Variants in PCDHGC4 observed in about 807,000 individuals in gnomAD.
The protein encoded by PCDHGC4 is protocadherin gamma-C4.
In PCDHGC4, 15 loss-of-function variants were observed where a neutral mutation model predicts 59.7. That is an observed-to-expected ratio of 0.25 (90% CI 0.17 to 0.39). The LOEUF (loss-of-function observed/expected upper bound fraction) is 0.39. Ranked by LOEUF, PCDHGC4 falls within the 10% of genes least tolerant of loss-of-function variation. The probability of loss-of-function intolerance (pLI) is 1.00; values close to 1 mark genes in which losing one functional copy is unlikely to be tolerated. For synonymous variants in PCDHGC4, 434 were observed against 481.4 expected, an observed-to-expected ratio of 0.90 and a Z score of 1.29; for missense variants, 1,016 against 1,189.5, an observed-to-expected ratio of 0.85 and a Z score of 2.15.
Position 141,511,913 on chromosome 5 carries a change from A to G in PCDHGC4, c.*740A>G, listed in dbSNP as rs1190072814. On this transcript the variant is annotated 3_prime_UTR_variant, in exon 4 of 4. Coordinates refer to ENST00000306593, the MANE Select transcript of PCDHGC4 (RefSeq NM_018928.3). ...CCCCCACCTCCTCCTCAAACAAGAG[A>G]CTCCACTGCATGTTCCAAGACAGTA... is the stretch of plus-strand genomic sequence containing the variant. The G allele has an allele frequency of 6.4e-6, 1 of 156,050 alleles. No individual in the cohort carries two copies. The highest frequency in any genetic ancestry group is 2.4e-5 in the African/African-American group (1 of 41,402). The allele number at this position is 156,050 out of a possible 1,614,324, so 9.7% of individuals were successfully genotyped here.
At chr5:141,488,546 G>A (rs2099676755) in intron 1 of PCDHGC4, among the ~76,000 whole-genome samples, 1 of 152,188 alleles carries the variant, frequency 6.6e-6, no homozygotes, top group African/African-American at 2.4e-5. Context: ...TCCCATGTCA[G>A]CTGACATTGA....
At chr5:141,499,908 G>A (rs903753761) in intron 2 of PCDHGC4, among the ~76,000 whole-genome samples, 2 of 151,980 alleles carry the variant, frequency 1.3e-5, no homozygotes, top group African/African-American at 2.4e-5. Flanking sequence ...GGCTGGTCTT[G>A]AACTCCTGGC....
rs754462129 is a variant in PCDHGC4, at chr5:141,490,693, G to T, written c.2442+3078G>T. 6.2e-7 allele frequency: 1 copy of T among 1,614,170 alleles called. No homozygotes were observed. Among genetic ancestry groups the T allele is most frequent in the South Asian group, 1.1e-5 (1 of 91,072 alleles). On this transcript the variant is annotated intron_variant, in intron 1 of 3. Transcript: ENST00000306593. This position sits in a 1 kb window ranked among gnomAD's most constrained non-coding sequence, Gnocchi z 5.4. Reference sequence around the variant, plus strand: ...GGCTGCCTCAGATCCAGACACTGGGGATAATGCCCGCCTCACCTACTCCAT... The same window carrying T: ...GGCTGCCTCAGATCCAGACACTGGGTATAATGCCCGCCTCACCTACTCCAT...
In PCDHGC4 at chr5:141,487,198, T is replaced by C; in HGVS notation, c.2025T>C (p.Asp675=). ...AAGACACTCATCCAGTTGTCCCAGA[T>C]CTTCGAGAATCTTCAGCTCCAAGGG... ...LEEDTHPVVP[D]LRESSAPREG... Residue 675 remains aspartate (D), a synonymous_variant, in exon 1 of 4, where the codon GAT becomes GAC. Transcript: ENST00000306593. The surrounding 1 kb of genome is among the most constrained non-coding windows in gnomAD (Gnocchi z 5.0). The C allele has an allele frequency of 6.2e-7, 1 of 1,613,854 alleles. No homozygotes were observed.
In PCDHGC4 at chr5:141,490,770, C is replaced by T. The variant is rs774014462; in HGVS notation, c.2442+3155C>T. 1.2e-6 allele frequency: 2 copies of T among 1,614,120 alleles called. No individual in the cohort carries two copies. Among genetic ancestry groups the T allele is most frequent in the Non-Finnish European group, 8.5e-7 (1 of 1,179,968 alleles). ...CAGCCTCCTCCTTTGTGTATGTCAA[C>T]CCAGAGGATGGACGGATCTTTGCCC... On this transcript the variant is annotated intron_variant, in intron 1 of 3. Transcript: ENST00000306593. The surrounding 1 kb of genome is among the most constrained non-coding windows in gnomAD (Gnocchi z 5.4).
rs2099748032 is a variant in PCDHGC4 at position 141,493,397 on chromosome 5, G to A, written c.2443-1410G>A. ...TTAAAAGCTTGAGGACAGGAGAGGG[G>A]AGTTGCCTCTGCTGGGATTTTGCTT... On this transcript the variant is annotated intron_variant, in intron 1 of 3. Coordinates refer to ENST00000306593, the MANE Select transcript of PCDHGC4 (RefSeq NM_018928.3). This position sits in a 1 kb window ranked among gnomAD's most constrained non-coding sequence, Gnocchi z 4.3. Among the ~76,000 whole-genome samples the A allele has an allele frequency of 6.6e-6, 1 of 152,176 alleles. No individual in the cohort carries two copies. Among genetic ancestry groups the A allele is most frequent in the Non-Finnish European group, 1.5e-5 (1 of 68,040 alleles).
chr5:141,497,466 G>T (rs1047422582), intron 2 of PCDHGC4, among the ~76,000 whole-genome samples: 2 of 152,020 alleles, frequency 1.3e-5, no homozygotes, highest in African/African-American at 4.8e-5. Flanking sequence ...TGGAGATATG[G>T]AGGAGAAGGT....
Position 141,485,548 on chromosome 5 carries a change from T to C in PCDHGC4, c.375T>C (p.Asp125=), listed in dbSNP as rs749739126. ...ACCGAGCAGAGGTAGAGATCGTAGA[T>C]GTGAATGATCACGCCCCCCGTTTTC... ...EMYRAEVEIV[D]VNDHAPRFPR... The change falls in exon 1 of 4, where the codon GAT becomes GAC. Residue 125 remains aspartate (D), a synonymous_variant. Transcript: ENST00000306593. This position sits in a 1 kb window ranked among gnomAD's most constrained non-coding sequence, Gnocchi z 5.7. The C allele has an allele frequency of 3.1e-6, 5 of 1,614,040 alleles. No homozygotes were observed. The highest frequency in any genetic ancestry group is 3.4e-6 in the Non-Finnish European group (4 of 1,179,942).
At position 141,486,616 on chromosome 5, in the gene PCDHGC4, C is replaced by T. The variant is rs759167270; in HGVS notation, c.1443C>T (p.Asp481=). The change falls in exon 1 of 4, where the codon GAC becomes GAT. Residue 481 remains aspartate (D), a synonymous_variant. Coordinates refer to ENST00000306593, the MANE Select transcript of PCDHGC4 (RefSeq NM_018928.3). The surrounding 1 kb of genome is among the most constrained non-coding windows in gnomAD (Gnocchi z 5.0). ...GDLLCSLAAS[D]PDSGLNALIS... ...TGCTTTGCTCCCTTGCAGCCTCTGA[C>T]CCAGACTCTGGCTTGAATGCGCTTA... is the stretch of plus-strand genomic sequence containing the variant. 2 of 1,613,500 alleles carry T rather than the reference C, an allele frequency of 1.2e-6. No individual in the cohort carries two copies. The highest frequency in any genetic ancestry group is 3.3e-5 in the Admixed American group (2 of 60,004).
At chr5:141,500,222 T>TGA (rs1355843194) in intron 2 of PCDHGC4, among the ~76,000 whole-genome samples, 1 of 146,758 alleles carries the variant, frequency 6.8e-6, no homozygotes, top group Non-Finnish European at 1.5e-5. Flanking sequence ...ATTTATTTAT[T>TGA]TATTGATACG....
Position 141,490,345 on chromosome 5 carries a change from G to C in PCDHGC4, c.2442+2730G>C, listed in dbSNP as rs2099698831. On this transcript the variant is annotated intron_variant, in intron 1 of 3. Coordinates refer to ENST00000306593, the MANE Select transcript of PCDHGC4 (RefSeq NM_018928.3). This position sits in a 1 kb window ranked among gnomAD's most constrained non-coding sequence, Gnocchi z 5.4. ...AGAGAGCACACCAGTGGGCACAGTA[G>C]TGGGGTTGTTTAATGTGCGAGACCG... is the stretch of plus-strand genomic sequence containing the variant. 1 of 1,614,216 alleles carries C rather than the reference G, an allele frequency of 6.2e-7. No homozygotes were observed. Among genetic ancestry groups the C allele is most frequent in the Non-Finnish European group, 8.5e-7 (1 of 1,180,034 alleles).
chr5:141,487,857 T>A lies in PCDHGC4; in HGVS notation c.2442+242T>A. Reference sequence around the variant, plus strand: ...TATCTGAGTAAGAAATGAAAGTAATTGGTGATCAAGAGCCAGGCTGTTGTG... The same window carrying A: ...TATCTGAGTAAGAAATGAAAGTAATAGGTGATCAAGAGCCAGGCTGTTGTG... On this transcript the variant is annotated intron_variant, in intron 1 of 3. Coordinates refer to ENST00000306593, the MANE Select transcript of PCDHGC4 (RefSeq NM_018928.3). The surrounding 1 kb of genome is among the most constrained non-coding windows in gnomAD (Gnocchi z 5.0). The A allele has an allele frequency of 1.0e-6, 1 of 964,674 alleles. No individual in the cohort carries two copies. Among genetic ancestry groups the A allele is most frequent in the Non-Finnish European group, 1.5e-6 (1 of 659,920 alleles). 59.8% of individuals were successfully genotyped at this position (964,674 alleles called of 1,614,324 possible). A position where few individuals can be genotyped will look rare whatever the true frequency, so the allele number is the denominator to read the frequency against.
chr5:141,500,124 A>G (rs1042231430), intron 2 of PCDHGC4, among the ~76,000 whole-genome samples: 2 of 151,656 alleles, frequency 1.3e-5, no homozygotes, highest in African/African-American at 2.4e-5. Flanking sequence ...GCCTTTTCAT[A>G]TATATCTTTC....
At position 141,487,194 on chromosome 5, in the gene PCDHGC4, C is replaced by T. The variant is rs148502966; in HGVS notation, c.2021C>T (p.Pro674Leu). 2 of 1,613,868 alleles carry T rather than the reference C, an allele frequency of 1.2e-6. No homozygotes were observed. The highest frequency in any genetic ancestry group is 1.3e-5 in the African/African-American group (1 of 75,030). The change falls in exon 1 of 4, where the codon CCA becomes CTA. Residue 674 changes from proline (P) to leucine (L), a missense_variant. Physicochemically the swap from Pro to Leu is moderately conservative, Grantham distance 98. Coordinates refer to ENST00000306593, the MANE Select transcript of PCDHGC4 (RefSeq NM_018928.3). The surrounding 1 kb of genome is among the most constrained non-coding windows in gnomAD (Gnocchi z 5.0). The part of the protein sequence containing the change: ...SLEEDTHPVV[P>L]DLRESSAPRE... ...GAGGAAGACACTCATCCAGTTGTCC[C>T]AGATCTTCGAGAATCTTCAGCTCCA... is the stretch of plus-strand genomic sequence containing the variant.
intron 1 of PCDHGC4, among the ~76,000 whole-genome samples, chr5:141,492,641 G>A (rs2099742804): frequency 6.6e-6 from 1 of 152,226 alleles, no homozygotes; most frequent in African/African-American, 2.4e-5. Flanking sequence ...ACGATCCTTG[G>A]GCCAGAGGTC....
Position 141,491,944 on chromosome 5 carries a change from C to A in PCDHGC4, c.2443-2863C>A. On this transcript the variant is annotated intron_variant, in intron 1 of 3. Transcript: ENST00000306593. This position sits in a 1 kb window ranked among gnomAD's most constrained non-coding sequence, Gnocchi z 6.9. ...CGAGGGGAGGTGGGACCGACCCCCA[C>A]CCCTACACTCAAAAAAGGCCGGGGC... 2 of 1,120,270 alleles carry A rather than the reference C, an allele frequency of 1.8e-6. No individual in the cohort carries two copies. Among genetic ancestry groups the A allele is most frequent in the Non-Finnish European group, 2.4e-6 (2 of 822,060 alleles). The allele number at this position is 1,120,270 out of a possible 1,614,324, so 69.4% of individuals were successfully genotyped here.
intron 1 of PCDHGC4, among the ~76,000 whole-genome samples, chr5:141,488,351 C>G (rs1467834410): frequency 6.6e-6 from 1 of 152,132 alleles, no homozygotes; most frequent in African/African-American, 2.4e-5. Context: ...AAACAGCCAC[C>G]CTGTGCATCT....
Position 141,491,586 on chromosome 5 carries a change from G to T in PCDHGC4, c.2443-3221G>T, listed in dbSNP as rs373990387. ...ACAGGACGTGCTTTTCACCGGCCTC[G>T]GACGGCAGTGACTTCACTTTTCTAA... On this transcript the variant is annotated intron_variant, in intron 1 of 3. Transcript: ENST00000306593. This position sits in a 1 kb window ranked among gnomAD's most constrained non-coding sequence, Gnocchi z 6.9. 2.1e-5 allele frequency: 34 copies of T among 1,613,792 alleles called. No individual in the cohort carries two copies. In the African/African-American group the frequency reaches 2.4e-4, roughly 11 times the overall value.
At position 141,486,791 on chromosome 5, in the gene PCDHGC4, C is replaced by T. The variant is rs766519569; in HGVS notation, c.1618C>T (p.Arg540Trp). 1.8e-5 allele frequency: 29 copies of T among 1,614,108 alleles called. No homozygotes were observed. The highest frequency in any genetic ancestry group is 2.2e-5 in the Non-Finnish European group (26 of 1,180,054). The change falls in exon 1 of 4, where the codon CGG becomes TGG. Residue 540 changes from arginine (R) to tryptophan (W), a missense_variant. Physicochemically the swap from Arg to Trp is moderately radical, Grantham distance 101 (BLOSUM62 -3). Coordinates refer to ENST00000306593, the MANE Select transcript of PCDHGC4 (RefSeq NM_018928.3). The surrounding 1 kb of genome is among the most constrained non-coding windows in gnomAD (Gnocchi z 5.0). ...GCAGTTTGAGGTGCAGGCCCGGGAT[C>T]GGGGCAACCCACCCCTTAGCAGCAC... ...TLQFEVQARD[R>W]GNPPLSSTVT...
Sources: gnomAD v4.1 joint callset for allele counts (sites outside exome capture counted in the v4.1 genomes callset) on GRCh38, gnomAD v4.1.1 for gene constraint, Gnocchi (gnomAD v3.1) non-coding constraint, MANE v1.5 for transcripts, NCBI Gene and HGNC (gene_info 2026-07-23, HGNC 2026-07-21) for gene names.